DOCK3: variants seen among roughly 807,000 people sequenced by gnomAD.
The protein encoded by DOCK3 is dedicator of cytokinesis 3.
In DOCK3, 60 loss-of-function variants were observed where a neutral mutation model predicts 265.6. The observed-to-expected ratio is 0.23, with a 90% confidence interval of 0.18 to 0.28. The LOEUF (loss-of-function observed/expected upper bound fraction) is 0.28. Ranked by LOEUF, DOCK3 falls within the 10% of genes least tolerant of loss-of-function variation. The probability of loss-of-function intolerance (pLI) is 1.00; values close to 1 mark genes in which losing one functional copy is unlikely to be tolerated. For synonymous variants in DOCK3, 881 were observed against 938.0 expected, an observed-to-expected ratio of 0.94 and a Z score of 1.11; for missense variants, 1,981 against 2,594.3, an observed-to-expected ratio of 0.76 and a Z score of 5.14.
intron 10 of DOCK3, among the ~76,000 whole-genome samples, chr3:51,158,074 A>G (rs1372629480): frequency 6.6e-6 from 1 of 152,188 alleles, no homozygotes; most frequent in Non-Finnish European, 1.5e-5. Context: ...TGTCACATTA[A>G]GGACAAAGGT....
At chr3:50,934,335 CATT>C (rs2051238661) in intron 5 of DOCK3, among the ~76,000 whole-genome samples, 1 of 152,148 alleles carries the variant, frequency 6.6e-6, no homozygotes, top group African/African-American at 2.4e-5. Flanking sequence ...CTGTCTTACT[CATT>C]GTTGTGTCCC....
chr3:50,679,701 C>T (rs2034250803), intron 1 of DOCK3, among the ~76,000 whole-genome samples: 1 of 152,150 alleles, frequency 6.6e-6, no homozygotes, highest in East Asian at 1.9e-4. Flanking sequence ...AGACAGTGTG[C>T]TCTTTAGTTA....
At chr3:50,813,304 C>T (rs923114880) in intron 2 of DOCK3, among the ~76,000 whole-genome samples, 4 of 152,056 alleles carry the variant, frequency 2.6e-5, no homozygotes, top group Non-Finnish European at 4.4e-5. Context: ...CACACTGAGG[C>T]GAGAGAGAAT....
intron 4 of DOCK3, among the ~76,000 whole-genome samples, chr3:50,904,042 G>GGTTT (rs533650537): frequency 1.2e-3 from 185 of 152,092 alleles, no homozygotes; most frequent in African/African-American, 3.5e-3. Flanking sequence ...ACAATAGTTT[G>GGTTT]CTGAGAATGA....
At chr3:51,160,920 C>CA (rs2107526994) in intron 12 of DOCK3, among the ~76,000 whole-genome samples, 1 of 151,704 alleles carries the variant, frequency 6.6e-6, no homozygotes, top group Non-Finnish European at 1.5e-5. Context: ...ACTGAAAATA[C>CA]AAAAAATTAG....
chr3:51,257,018 T>C (rs1187212673), intron 22 of DOCK3, among the ~76,000 whole-genome samples: 1 of 152,254 alleles, frequency 6.6e-6, no homozygotes. Context: ...CCAAGGGGTC[T>C]TGCTAGATCA....
chr3:50,935,066 T>C (rs1363486424), intron 5 of DOCK3, among the ~76,000 whole-genome samples: 1 of 152,178 alleles, frequency 6.6e-6, no homozygotes, highest in African/African-American at 2.4e-5. Context: ...TGTACCTTCA[T>C]ATATCCTGAC....
At chr3:50,826,977 A>C (rs577665710) in intron 2 of DOCK3, among the ~76,000 whole-genome samples, 1 of 152,248 alleles carries the variant, frequency 6.6e-6, no homozygotes, top group African/African-American at 2.4e-5. Flanking sequence ...AAAATTTTCC[A>C]GAATGTAAGG....
At chr3:50,782,427 A>G (rs1022155936) in intron 2 of DOCK3, among the ~76,000 whole-genome samples, 2 of 149,990 alleles carry the variant, frequency 1.3e-5, no homozygotes, top group Non-Finnish European at 3.0e-5. Flanking sequence ...AGTAGCTGGG[A>G]CTACAGGCGC....
chr3:51,014,770 C>T (rs1559938479), intron 5 of DOCK3, among the ~76,000 whole-genome samples: 2 of 152,098 alleles, frequency 1.3e-5, no homozygotes, highest in South Asian at 4.1e-4. Flanking sequence ...AATATCAATT[C>T]TTCCAATCCA....
chr3:50,929,572 T>C (rs2050948654), intron 4 of DOCK3, among the ~76,000 whole-genome samples: 4 of 152,208 alleles, frequency 2.6e-5, no homozygotes, highest in African/African-American at 9.7e-5. Flanking sequence ...TAGTCACCAG[T>C]GCTGGCTTTT....
chr3:50,717,507 A>G (rs1394655009), intron 1 of DOCK3, among the ~76,000 whole-genome samples: 2 of 152,086 alleles, frequency 1.3e-5, no homozygotes, highest in Non-Finnish European at 2.9e-5. Context: ...CTCTTATTGT[A>G]GCTTTTTTTC....
chr3:51,231,069 G>A (rs1386011499), intron 19 of DOCK3, among the ~76,000 whole-genome samples: 3 of 148,966 alleles, frequency 2.0e-5, no homozygotes, highest in East Asian at 3.9e-4. Context: ...CACCAACAAG[G>A]TATAAGAGTT....
intron 5 of DOCK3, among the ~76,000 whole-genome samples, chr3:51,016,923 T>TA (rs1448332259): frequency 1.8e-5 from 2 of 113,606 alleles, no homozygotes; most frequent in Non-Finnish European, 3.3e-5. Context: ...TATAAATATA[T>TA]TAATATATAC....
chr3:51,251,919 G>A (rs1035788222), intron 22 of DOCK3, among the ~76,000 whole-genome samples: 11 of 152,164 alleles, frequency 7.2e-5, no homozygotes, highest in Non-Finnish European at 1.3e-4. Flanking sequence ...TGGTGTTTTA[G>A]ACATGAAGTG....
At chr3:51,233,826 G>A (rs1480813382) in intron 19 of DOCK3, among the ~76,000 whole-genome samples, 1 of 152,116 alleles carries the variant, frequency 6.6e-6, no homozygotes, top group African/African-American at 2.4e-5. Context: ...AAAGCTACTG[G>A]CTTTTTTAAC....
At chr3:50,806,175 C>A (rs1393420084) in intron 2 of DOCK3, among the ~76,000 whole-genome samples, 1 of 151,926 alleles carries the variant, frequency 6.6e-6, no homozygotes, top group African/African-American at 2.4e-5. Flanking sequence ...GCCCAGCAGG[C>A]CTGGGGGTGT....
Position 51,144,358 on chromosome 3 carries a change from G to A in DOCK3, c.747-2191G>A, listed in dbSNP as rs78370841. On this transcript the variant is annotated intron_variant, in intron 9 of 52. Coordinates refer to ENST00000266037, the MANE Select transcript of DOCK3 (RefSeq NM_004947.5). ...CCAGAATCACCAGTGATCTGTGTTC[G>A]AGAGTTTTGTCCTTGTTACATGTGA... Among the ~76,000 whole-genome samples the A allele has an allele frequency of 6.6e-3, 999 of 152,216 alleles. 4 individuals carry two copies. Among genetic ancestry groups the A allele is most frequent in the Non-Finnish European group, 0.011 (726 of 68,024 alleles).
At position 51,075,492 on chromosome 3, in the gene DOCK3, TTTTG is replaced by T. The variant is rs549005052; in HGVS notation, c.549+56_549+59del. 442 of 1,416,276 alleles carry T rather than the reference TTTTG, an allele frequency of 3.1e-4. 2 individuals are homozygous for T. The African/African-American group carries it at 5.4e-3, about 17-fold the overall frequency. 87.7% of individuals were successfully genotyped at this position (1,416,276 alleles called of 1,614,324 possible). ...GTTCCTGCATACCTCATTTTTTCTC[TTTTG>T]TTTATTTTCTCTAATGTTATGAAAC... On this transcript the variant is annotated intron_variant, in intron 7 of 52. Coordinates refer to ENST00000266037, the MANE Select transcript of DOCK3 (RefSeq NM_004947.5).
Sources: gnomAD v4.1 joint callset for allele counts (sites outside exome capture counted in the v4.1 genomes callset) on GRCh38, gnomAD v4.1.1 for gene constraint, MANE v1.5 for transcripts, NCBI Gene and HGNC (gene_info 2026-07-23, HGNC 2026-07-21) for gene names.